TBCD: variants seen among roughly 807,000 people sequenced by gnomAD.
The protein encoded by TBCD is tubulin folding cofactor D.
Under a neutral mutation model 169.3 loss-of-function variants are expected in TBCD, and 105 were observed. That is an observed-to-expected ratio of 0.62 (90% CI 0.53 to 0.73). TBCD has a LOEUF of 0.73. Among genes scored for constraint, TBCD ranks in the 30% least tolerant of loss-of-function variants. The pLI is 0.00. For synonymous variants in TBCD, 700 were observed against 643.9 expected, an observed-to-expected ratio of 1.09 and a Z score of -1.32; for missense variants, 1,444 against 1,600.1, an observed-to-expected ratio of 0.90 and a Z score of 1.66.
At chr17:82,813,357 C>A (rs1002393852) in intron 12 of TBCD, among the ~76,000 whole-genome samples, 1 of 152,088 alleles carries the variant, frequency 6.6e-6, no homozygotes, top group African/African-American at 2.4e-5. Flanking sequence ...TCTGAGACCC[C>A]CCCTGTGCTT....
chr17:82,784,460 G>A (rs558466007), intron 7 of TBCD, among the ~76,000 whole-genome samples: 1 of 152,310 alleles, frequency 6.6e-6, no homozygotes, highest in Non-Finnish European at 1.5e-5. Context: ...AAGGGTACGG[G>A]GGTGGAGGGG....
chr17:82,801,057 G>T, intron 9 of TBCD, 61 bp downstream of exon 9: 2 of 1,517,510 alleles, frequency 1.3e-6, no homozygotes, highest in South Asian at 1.2e-5. Context: ...TTGCTGTGGG[G>T]GGCAGGCGCC....
At chr17:82,870,443 T>G in intron 14 of TBCD, 63 bp downstream of exon 14, 1 of 1,567,080 alleles carries the variant, frequency 6.4e-7, no homozygotes, top group East Asian at 2.3e-5. Flanking sequence ...GTGTGTCGTT[T>G]CCTCCATGAG....
intron 13 of TBCD, among the ~76,000 whole-genome samples, chr17:82,868,892 C>T (rs1396152151): frequency 6.6e-6 from 1 of 151,964 alleles, no homozygotes; most frequent in Admixed American, 6.5e-5. Flanking sequence ...GTACAGACGG[C>T]GTGTGCGTGG....
At chr17:82,908,861 G>A (rs2060424556) in intron 21 of TBCD, among the ~76,000 whole-genome samples, 3 of 152,384 alleles carry the variant, frequency 2.0e-5, no homozygotes, top group African/African-American at 7.2e-5. Flanking sequence ...GGGACAGTGT[G>A]AGCATTCAGT....
intron 6 of TBCD, among the ~76,000 whole-genome samples, chr17:82,775,416 C>T (rs1008314992): frequency 2.6e-5 from 4 of 152,192 alleles, no homozygotes; most frequent in African/African-American, 4.8e-5. Context: ...TCCTGTACTT[C>T]TCAGACCCCT....
rs527735510 is a variant in TBCD at position 82,923,447 on chromosome 17, A to T, written c.2179-205A>T. 7.1e-4 allele frequency among the ~76,000 whole-genome samples: 107 copies of T among 151,504 alleles called. No individual in the cohort carries two copies. Among genetic ancestry groups the T allele is most frequent in the African/African-American group, 2.4e-3 (98 of 41,266 alleles). ...AGGTCCTTCTCTGACCTCAAGGGTG[A>T]CCTGCTGTGTCCTTGGCCGGGTGCT... On this transcript the variant is annotated intron_variant, in intron 25 of 38. Transcript: ENST00000355528. This position sits in a 1 kb window ranked among gnomAD's most constrained non-coding sequence, Gnocchi z 4.6.
At chr17:82,773,018 T>G (rs1412345160) in intron 6 of TBCD, among the ~76,000 whole-genome samples, 1 of 152,210 alleles carries the variant, frequency 6.6e-6, no homozygotes, top group East Asian at 1.9e-4. Flanking sequence ...GTGTATAGAC[T>G]GAGCGAACCT....
intron 1 of TBCD, among the ~76,000 whole-genome samples, chr17:82,752,815 T>C (rs2047181620): frequency 1.3e-5 from 2 of 152,068 alleles, no homozygotes; most frequent in South Asian, 4.1e-4. Context: ...CTGTGAATGT[T>C]GTGTGGACAG....
chr17:82,800,333 G>T (rs1281075171), intron 8 of TBCD, among the ~76,000 whole-genome samples: 1 of 152,134 alleles, frequency 6.6e-6, no homozygotes, highest in Non-Finnish European at 1.5e-5. Flanking sequence ...CCTTGGCTCA[G>T]CCTCCTGTCC....
intron 6 of TBCD, among the ~76,000 whole-genome samples, chr17:82,775,314 T>TTA (rs2048528018): frequency 6.6e-6 from 1 of 152,140 alleles, no homozygotes; most frequent in African/African-American, 2.4e-5. Flanking sequence ...TCAAGAGTGT[T>TTA]TGAGAATGGC....
chr17:82,775,673 G>A (rs11078011), intron 6 of TBCD, among the ~76,000 whole-genome samples: 53,453 of 146,834 alleles, frequency 0.36, 9,810 homozygotes, highest in Middle Eastern at 0.43. Context: ...AGTGTTGCTA[G>A]AACATGCAGA....
intron 13 of TBCD, among the ~76,000 whole-genome samples, chr17:82,851,197 G>A (rs926804137): frequency 2.0e-5 from 3 of 152,156 alleles, no homozygotes; most frequent in South Asian, 2.1e-4. Flanking sequence ...TAAAGGAAAG[G>A]TGATAATTTT....
intron 34 of TBCD, among the ~76,000 whole-genome samples, chr17:82,933,653 T>TA (rs2062395214): frequency 6.6e-6 from 1 of 152,096 alleles, no homozygotes; most frequent in African/African-American, 2.4e-5. Flanking sequence ...AGTCTTGCTC[T>TA]GTTGCCCAGG....
intron 38 of TBCD, chr17:82,941,799 A>C (rs1478154489): frequency 7.4e-6 from 3 of 406,924 alleles, no homozygotes; most frequent in Non-Finnish European, 1.3e-5. Context: ...AAGTGCCAAG[A>C]GTGCCACCCT....
rs2058559818 is a variant in TBCD, at chr17:82,884,044, A to G, written c.1476-101A>G. The G allele has an allele frequency of 1.7e-6, 2 of 1,155,138 alleles. No individual in the cohort carries two copies. Among genetic ancestry groups the G allele is most frequent in the Non-Finnish European group, 2.5e-6 (2 of 796,410 alleles). 71.6% of individuals were successfully genotyped at this position (1,155,138 alleles called of 1,614,324 possible). A position where few individuals can be genotyped will look rare whatever the true frequency, so the allele number is the denominator to read the frequency against. Reference sequence around the variant, plus strand: ...GCCTGTGGGGCATGTCTGAACCTCAAGTGGGCCTGAGTCGTGAGAGAAAGG... The same window carrying G: ...GCCTGTGGGGCATGTCTGAACCTCAGGTGGGCCTGAGTCGTGAGAGAAAGG... On this transcript the variant is annotated intron_variant, in intron 14 of 38. Coordinates refer to ENST00000355528, the MANE Select transcript of TBCD (RefSeq NM_005993.5). This position sits in a 1 kb window ranked among gnomAD's most constrained non-coding sequence, Gnocchi z 4.2.
chr17:82,941,898 C>CTCT (rs3837808), intron 38 of TBCD: 122,340 of 218,740 alleles, frequency 0.56, 36,770 homozygotes, highest in South Asian at 0.71. Flanking sequence ...CAGCCCGTCA[C>CTCT]TCTTCTAAAG....
intron 15 of TBCD, among the ~76,000 whole-genome samples, chr17:82,887,974 A>G (rs1020816168): frequency 2.6e-5 from 4 of 152,150 alleles, no homozygotes; most frequent in African/African-American, 9.7e-5. Context: ...CACTCTTTAC[A>G]TATGTAGGAT....
Position 82,831,957 on chromosome 17 carries a change from G to T in TBCD, c.1318+17023G>T, listed in dbSNP as rs753147570. The T allele has an allele frequency of 6.2e-7, 1 of 1,613,952 alleles. No individual in the cohort carries two copies. Among genetic ancestry groups the T allele is most frequent in the Non-Finnish European group, 8.5e-7 (1 of 1,179,894 alleles). On this transcript the variant is annotated intron_variant, in intron 13 of 38. Coordinates refer to ENST00000355528, the MANE Select transcript of TBCD (RefSeq NM_005993.5). The surrounding 1 kb of genome is among the most constrained non-coding windows in gnomAD (Gnocchi z 4.6). ...TGTCTGGCCCCTTGAGTCTGTGCTC[G>T]CCGACTGGAACAAATGCAGAAGGCC...
Sources: allele counts gnomAD v4.1 joint callset (sites outside exome capture counted in the v4.1 genomes callset), GRCh38; gene constraint gnomAD v4.1.1; non-coding constraint Gnocchi (gnomAD v3.1); transcripts MANE v1.5; gene names NCBI Gene and HGNC (gene_info 2026-07-23, HGNC 2026-07-21).